Variants in KCNJ6 observed in about 807,000 individuals in gnomAD.
KCNJ6 encodes the protein G protein-activated inward rectifier potassium channel 2.
KCNJ6 carries 9 observed loss-of-function variants against 34.2 expected under a neutral mutation model. That is an observed-to-expected ratio of 0.26 (90% confidence interval 0.16 to 0.46). The LOEUF (loss-of-function observed/expected upper bound fraction) is 0.46, where lower values mean the gene tolerates loss of function less well. Ranked by LOEUF, KCNJ6 falls within the 20% of genes least tolerant of loss-of-function variation. The probability of loss-of-function intolerance (pLI) is 1.00; values close to 1 mark genes in which losing one functional copy is unlikely to be tolerated. For synonymous variants in KCNJ6, 196 were observed against 207.1 expected, an observed-to-expected ratio of 0.95 and a Z score of 0.46; for missense variants, 236 against 531.3, an observed-to-expected ratio of 0.44 and a Z score of 5.46.
At chr21:37,689,727 A>G (rs934690140) in intron 3 of KCNJ6, among the ~76,000 whole-genome samples, 1 of 151,950 alleles carries the variant, frequency 6.6e-6, no homozygotes, top group African/African-American at 2.4e-5. Flanking sequence ...TTATGTTGAA[A>G]CTCATGGCCC....
chr21:37,855,990 G>C (rs949874654), intron 1 of KCNJ6, among the ~76,000 whole-genome samples: 2 of 152,168 alleles, frequency 1.3e-5, no homozygotes, highest in Non-Finnish European at 2.9e-5. Context: ...GGGGAGAGGG[G>C]GTGGAAGCAG....
At position 37,634,634 on chromosome 21, in the gene KCNJ6, T is replaced by C. The variant is rs2054348846; in HGVS notation, c.947-9150A>G. 2.0e-5 allele frequency among the ~76,000 whole-genome samples: 3 copies of C among 150,580 alleles called. No homozygotes were observed. The South Asian group carries it at 6.3e-4, about 31-fold the overall frequency. ...TAAATTACACATGCAGGGTCTAATA[T>C]AGATGAATCTTAGAAACATAATATT... is the stretch of plus-strand genomic sequence containing the variant. On this transcript the variant is annotated intron_variant, in intron 3 of 3. Transcript: ENST00000609713.
At chr21:37,813,813 C>G (rs1201237841) in intron 2 of KCNJ6, among the ~76,000 whole-genome samples, 1 of 152,122 alleles carries the variant, frequency 6.6e-6, no homozygotes, top group Admixed American at 6.5e-5. Flanking sequence ...CAGGAAAACA[C>G]TGAGGAAAAT....
chr21:37,905,170 G>A lies in KCNJ6; in HGVS notation c.-28+10714C>T, dbSNP rs539496456. Among the ~76,000 whole-genome samples, 5 of 152,294 alleles carry A rather than the reference G, an allele frequency of 3.3e-5. No homozygotes were observed. The South Asian group carries it at 8.3e-4, about 25-fold the overall frequency. On this transcript the variant is annotated intron_variant, in intron 1 of 3. Transcript: ENST00000609713. ...TCTCAGCACCACTGATGACACTAAA[G>A]CAGGTCCATTTTTCTATTACTCATT...
At chr21:37,823,434 AATCTC>A (rs1206801198) in intron 2 of KCNJ6, among the ~76,000 whole-genome samples, 4 of 152,112 alleles carry the variant, frequency 2.6e-5, no homozygotes, top group African/African-American at 7.2e-5. Context: ...TCCCCACCCA[AATCTC>A]ATCTCAAATT....
At chr21:37,842,956 T>C (rs2055488269) in intron 1 of KCNJ6, among the ~76,000 whole-genome samples, 2 of 152,186 alleles carry the variant, frequency 1.3e-5, no homozygotes, top group South Asian at 4.1e-4. Context: ...CCTTGTGTCC[T>C]GGTCTGTGAC....
chr21:37,899,035 A>G (rs976284513), intron 1 of KCNJ6, among the ~76,000 whole-genome samples: 2 of 152,250 alleles, frequency 1.3e-5, no homozygotes, highest in Non-Finnish European at 2.9e-5. Flanking sequence ...AAGAACTTAC[A>G]TAGTAAAAAT....
intron 3 of KCNJ6, among the ~76,000 whole-genome samples, chr21:37,683,856 G>T (rs1157776565): frequency 1.3e-5 from 2 of 152,154 alleles, no homozygotes; most frequent in Non-Finnish European, 1.5e-5. Flanking sequence ...TTCTGCAGCG[G>T]GGGTGAGCTG....
intron 3 of KCNJ6, among the ~76,000 whole-genome samples, chr21:37,643,510 G>C (rs753595069): frequency 7.9e-5 from 12 of 152,214 alleles, no homozygotes; most frequent in Non-Finnish European, 1.0e-4. Flanking sequence ...GCTGGGCCCT[G>C]AAGAATGGGC....
chr21:37,889,861 C>T (rs925421198), intron 1 of KCNJ6, among the ~76,000 whole-genome samples: 1 of 152,218 alleles, frequency 6.6e-6, no homozygotes. Flanking sequence ...ATGACCTCAT[C>T]TTAACTTGGT....
chr21:37,845,201 A>G (rs1359060354), intron 1 of KCNJ6, among the ~76,000 whole-genome samples: 1 of 152,236 alleles, frequency 6.6e-6, no homozygotes, highest in African/African-American at 2.4e-5. Context: ...AACTTGTGTT[A>G]AAAATGTCTT....
At chr21:37,870,980 A>G (rs2055648819) in intron 1 of KCNJ6, among the ~76,000 whole-genome samples, 1 of 152,042 alleles carries the variant, frequency 6.6e-6, no homozygotes, top group Admixed American at 6.6e-5. Context: ...CATTATCTCT[A>G]TCTACCCAGA....
chr21:37,835,990 C>T (rs2055449858), intron 2 of KCNJ6, among the ~76,000 whole-genome samples: 1 of 152,180 alleles, frequency 6.6e-6, no homozygotes. Flanking sequence ...ATCTATCCAT[C>T]TGACAAAGGG....
At chr21:37,670,638 G>A (rs1244566249) in intron 3 of KCNJ6, among the ~76,000 whole-genome samples, 1 of 152,182 alleles carries the variant, frequency 6.6e-6, no homozygotes, top group African/African-American at 2.4e-5. Flanking sequence ...GGTGGTGCAT[G>A]CTTGTAGTCC....
intron 1 of KCNJ6, among the ~76,000 whole-genome samples, chr21:37,907,646 T>C (rs962179531): frequency 1.3e-5 from 2 of 152,228 alleles, no homozygotes; most frequent in African/African-American, 2.4e-5. Flanking sequence ...AACCAAAATA[T>C]GTCACTTTGT....
chr21:37,729,415 C>A lies in KCNJ6; in HGVS notation c.26-14284G>T, dbSNP rs539634647. On this transcript the variant is annotated intron_variant, in intron 2 of 3. Transcript: ENST00000609713. The stretch of plus-strand genomic sequence containing the variant: ...CACAGCTCACTGTAGCCTCAACCTT[C>A]TGGGCCCAAGCAATCCTCCCACCTC... Among the ~76,000 whole-genome samples the A allele has an allele frequency of 2.0e-5, 3 of 152,224 alleles. No individual in the cohort carries two copies. The East Asian group carries it at 5.8e-4, about 29-fold the overall frequency.
intron 1 of KCNJ6, among the ~76,000 whole-genome samples, chr21:37,862,706 T>C (rs930166009): frequency 6.6e-6 from 1 of 152,206 alleles, no homozygotes; most frequent in Non-Finnish European, 1.5e-5. Flanking sequence ...GTGCTAGCGG[T>C]AGGCTGACTT....
intron 3 of KCNJ6, among the ~76,000 whole-genome samples, chr21:37,705,721 A>G (rs2054716142): frequency 6.6e-6 from 1 of 152,250 alleles, no homozygotes; most frequent in South Asian, 2.1e-4. Flanking sequence ...GTTTGAATTC[A>G]GTCTGTCTGA....
At chr21:37,732,383 A>G (rs986130476) in intron 2 of KCNJ6, among the ~76,000 whole-genome samples, 9 of 152,308 alleles carry the variant, frequency 5.9e-5, no homozygotes, top group African/African-American at 2.2e-4. Flanking sequence ...TCAGTCTTGA[A>G]GAGGGGCAGA....
Sources: gnomAD v4.1 joint callset for allele counts (sites outside exome capture counted in the v4.1 genomes callset) on GRCh38, gnomAD v4.1.1 for gene constraint, MANE v1.5 for transcripts, NCBI Gene and HGNC (gene_info 2026-07-23, HGNC 2026-07-21) for gene names.